NCALD: variants seen among roughly 807,000 people sequenced by gnomAD.
NCALD encodes the protein neurocalcin-delta.
NCALD carries 10 observed loss-of-function variants against 18.6 expected under a neutral mutation model. The observed-to-expected ratio is 0.54, with a 90% CI of 0.33 to 0.91. The LOEUF (loss-of-function observed/expected upper bound fraction) is 0.91. Ranked by LOEUF, NCALD falls within the 40% of genes least tolerant of loss-of-function variation. The probability of loss-of-function intolerance (pLI) is 0.03; values close to 1 mark genes in which losing one functional copy is unlikely to be tolerated. For missense variants in NCALD, 184 were observed against 247.6 expected, an observed-to-expected ratio of 0.74 and a Z score of 1.72; for synonymous variants, 88 against 87.4, an observed-to-expected ratio of 1.01 and a Z score of -0.04.
At chr8:101,934,532 G>T (rs1333978499) in intron 2 of NCALD, among the ~76,000 whole-genome samples, 1 of 152,112 alleles carries the variant, frequency 6.6e-6, no homozygotes, top group African/African-American at 2.4e-5. Context: ...AAGAAAAAGA[G>T]GAAAGTCTAG....
At chr8:101,812,214 G>C (rs1309601981) in intron 4 of NCALD, among the ~76,000 whole-genome samples, 1 of 152,150 alleles carries the variant, frequency 6.6e-6, no homozygotes, top group African/African-American at 2.4e-5. Context: ...ACTGGGTAGA[G>C]ACTCAGGGAT....
intron 1 of NCALD, among the ~76,000 whole-genome samples, chr8:101,725,199 T>C (rs2130509666): frequency 6.6e-6 from 1 of 152,310 alleles, no homozygotes; most frequent in East Asian, 1.9e-4. Flanking sequence ...TGGCCTGCAC[T>C]GCTGCCCATC....
upstream of NCALD, among the ~76,000 whole-genome samples, chr8:101,792,606 C>T (rs1315462314): frequency 6.6e-6 from 1 of 152,160 alleles, no homozygotes; most frequent in Non-Finnish European, 1.5e-5. Flanking sequence ...TCACCAACAG[C>T]CACAATTCAT....
At chr8:101,969,926 T>A (rs992623741) in intron 2 of NCALD, among the ~76,000 whole-genome samples, 1 of 152,088 alleles carries the variant, frequency 6.6e-6, no homozygotes. Context: ...AATCTAAGTG[T>A]GTGTGTGTGT....
chr8:101,932,432 G>A (rs1026609013), intron 2 of NCALD, among the ~76,000 whole-genome samples: 3 of 152,122 alleles, frequency 2.0e-5, no homozygotes, highest in African/African-American at 7.2e-5. Flanking sequence ...ACCAAACTAA[G>A]CCATCTCCCA....
In NCALD at chr8:101,689,416, A is replaced by C; in HGVS notation, c.485-10T>G. 1 of 1,590,492 alleles carries C rather than the reference A, an allele frequency of 6.3e-7. No individual in the cohort carries two copies. The highest frequency in any genetic ancestry group is 8.6e-7 in the Non-Finnish European group (1 of 1,167,822). On this transcript the variant is annotated splice_polypyrimidine_tract_variant and intron_variant, in intron 3 of 3. Coordinates refer to ENST00000220931, the MANE Select transcript of NCALD (RefSeq NM_032041.3). The surrounding 1 kb of genome is among the most constrained non-coding windows in gnomAD (Gnocchi z 4.4). ...TCCAGGGAGAGTTTTCCTAGGAAGC[A>C]AGAGGACAGGTGAGTGGTGGCTGGT...
chr8:102,087,941 A>G (rs1824794908), intron 1 of NCALD, among the ~76,000 whole-genome samples: 2 of 151,456 alleles, frequency 1.3e-5, no homozygotes, highest in South Asian at 4.2e-4. Flanking sequence ...TGGTTAAATG[A>G]ATGGTAAAAA....
intron 3 of NCALD, among the ~76,000 whole-genome samples, chr8:101,904,916 C>T (rs955270636): frequency 1.3e-5 from 2 of 152,072 alleles, no homozygotes; most frequent in Non-Finnish European, 2.9e-5. Context: ...ATTCCTAGAC[C>T]CTTCCAGTTT....
At chr8:101,833,693 C>T (rs148347297) in intron 4 of NCALD, among the ~76,000 whole-genome samples, 2,401 of 145,142 alleles carry the variant, frequency 0.017, 28 homozygotes, top group Non-Finnish European at 0.026. Context: ...CGGATATCCC[C>T]AAGGCCAAGG....
At chr8:101,783,616 CA>C (rs972516240) in intron 1 of NCALD, among the ~76,000 whole-genome samples, 1 of 152,110 alleles carries the variant, frequency 6.6e-6, no homozygotes, top group African/African-American at 2.4e-5. Context: ...GAGAGGGAGA[CA>C]AAGTGGACAA....
At chr8:101,941,317 G>A (rs146394568) in intron 2 of NCALD, among the ~76,000 whole-genome samples, 23 of 152,256 alleles carry the variant, frequency 1.5e-4, no homozygotes, top group South Asian at 2.1e-4. Context: ...TAGATCCCTC[G>A]CATGCAAGTT....
At chr8:102,012,406 C>A (rs1385579364) in intron 2 of NCALD, among the ~76,000 whole-genome samples, 1 of 152,224 alleles carries the variant, frequency 6.6e-6, no homozygotes, top group African/African-American at 2.4e-5. Context: ...AACTCCAACT[C>A]CCGGGCTGAG....
At chr8:102,065,010 CAAAAAAAA>C (rs34548051) in intron 1 of NCALD, among the ~76,000 whole-genome samples, 233 of 87,560 alleles carry the variant, frequency 2.7e-3, no homozygotes, top group Non-Finnish European at 3.8e-3. Context: ...CTCACTTTGG[CAAAAAAAA>C]AAAAAAAAAA....
chr8:102,110,940 T>C (rs1293330793), intron 1 of NCALD, among the ~76,000 whole-genome samples: 2 of 152,004 alleles, frequency 1.3e-5, no homozygotes, highest in African/African-American at 2.4e-5. Flanking sequence ...GAATAAAAGA[T>C]AAAATGTTTG....
chr8:102,098,462 A>T (rs956154281), intron 1 of NCALD, among the ~76,000 whole-genome samples: 1 of 148,008 alleles, frequency 6.8e-6, no homozygotes, highest in African/African-American at 2.4e-5. Context: ...GGATTCTAAC[A>T]GCTTCCCAAG....
intron 3 of NCALD, 38 bp downstream of exon 3, chr8:101,692,753 C>A (rs748158418): frequency 1.1e-5 from 17 of 1,562,650 alleles, no homozygotes; most frequent in Non-Finnish European, 1.5e-5. Context: ...TTCCAGCAGC[C>A]CCCATCTGAG....
rs137955566 is a variant in NCALD, at chr8:101,864,751, C to T, written c.-20+22390G>A. Among the ~76,000 whole-genome samples the T allele has an allele frequency of 2.3e-3, 349 of 152,170 alleles. 3 individuals are homozygous for T. The highest frequency in any genetic ancestry group is 7.6e-3 in the African/African-American group (317 of 41,534). ...CTGGAATTACAGGTGCCCAACACTA[C>T]GCCCAGCTAGTTTTTGGTATTTTTA... On this transcript the variant is annotated intron_variant, in intron 4 of 6. Coordinates refer to the NCALD transcript ENST00000311028.
intron 4 of NCALD, among the ~76,000 whole-genome samples, chr8:101,851,251 G>A (rs182297340): frequency 6.6e-6 from 1 of 152,182 alleles, no homozygotes; most frequent in Admixed American, 6.5e-5. Flanking sequence ...AGGGAGAAAA[G>A]AAGTGAAGAA....
At chr8:102,071,729 A>G (rs1023927656) in intron 1 of NCALD, among the ~76,000 whole-genome samples, 2 of 41,064 alleles carry the variant, frequency 4.9e-5, no homozygotes, top group Admixed American at 3.0e-4. Context: ...ACGAAATTTT[A>G]AAACAATAAA....
Sources: allele counts gnomAD v4.1 joint callset (sites outside exome capture counted in the v4.1 genomes callset), GRCh38; gene constraint gnomAD v4.1.1; non-coding constraint Gnocchi (gnomAD v3.1); transcripts MANE v1.5; gene names NCBI Gene and HGNC (gene_info 2026-07-23, HGNC 2026-07-21).